Variants in SNTG1 observed in about 807,000 individuals in gnomAD.
SNTG1 encodes the protein syntrophin gamma 1.
A neutral mutation model predicts 74.7 loss-of-function variants in SNTG1; 39 were observed. That is an observed-to-expected ratio of 0.52 (90% CI 0.40 to 0.68). The LOEUF (loss-of-function observed/expected upper bound fraction) is 0.68, where lower values mean the gene tolerates loss of function less well. Ranked by LOEUF, SNTG1 falls within the 30% of genes least tolerant of loss-of-function variation. The pLI is 0.00. For missense variants in SNTG1, 685 were observed against 609.5 expected (o/e 1.12, Z -1.30); for synonymous variants, 254 against 217.1 (o/e 1.17, Z -1.49).
At chr8:50,207,484 T>A (rs1165626018) in intron 2 of SNTG1, among the ~76,000 whole-genome samples, 13 of 152,044 alleles carry the variant, frequency 8.6e-5, no homozygotes, top group Non-Finnish European at 1.6e-4. Flanking sequence ...TGCTAGTGGT[T>A]TATCGATGTT....
intron 2 of SNTG1, among the ~76,000 whole-genome samples, chr8:50,267,212 G>A (rs2087527721): frequency 1.3e-5 from 2 of 151,836 alleles, no homozygotes; most frequent in African/African-American, 2.4e-5. Flanking sequence ...TTTTTTTAGG[G>A]TTAACCTAAA....
intron 13 of SNTG1, among the ~76,000 whole-genome samples, chr8:50,648,758 C>T (rs1172708916): frequency 1.3e-5 from 2 of 151,988 alleles, no homozygotes; most frequent in Admixed American, 1.3e-4. Context: ...AAAATCAAAC[C>T]TCCATAAACA....
chr8:50,651,354 A>G (rs2095144552), intron 13 of SNTG1, among the ~76,000 whole-genome samples: 1 of 152,118 alleles, frequency 6.6e-6, no homozygotes, highest in Admixed American at 6.6e-5. Context: ...AAAAATGCAT[A>G]TATATAAGAT....
intron 4 of SNTG1, among the ~76,000 whole-genome samples, chr8:50,411,062 A>C (rs1305091065): frequency 6.6e-6 from 1 of 152,148 alleles, no homozygotes; most frequent in Non-Finnish European, 1.5e-5. Flanking sequence ...TTGTATGTTT[A>C]TAAACTTTTC....
intron 1 of SNTG1, among the ~76,000 whole-genome samples, chr8:50,003,280 T>C (rs2130473075): frequency 6.6e-6 from 1 of 152,310 alleles, no homozygotes; most frequent in East Asian, 1.9e-4. Context: ...AAAAATATAA[T>C]GGCATTTTAT....
At chr8:50,000,182 T>A (rs1814613845) in intron 1 of SNTG1, among the ~76,000 whole-genome samples, 2 of 152,192 alleles carry the variant, frequency 1.3e-5, no homozygotes, top group Admixed American at 1.3e-4. Flanking sequence ...TATGATCTGC[T>A]TCTGTTTTTC....
At chr8:50,378,429 G>C (rs905743545) in intron 2 of SNTG1, among the ~76,000 whole-genome samples, 2 of 152,174 alleles carry the variant, frequency 1.3e-5, no homozygotes, top group Non-Finnish European at 1.5e-5. Flanking sequence ...TGATGAGCAA[G>C]GGGCATGTTT....
In SNTG1 at chr8:50,610,064, A is replaced by G. The variant is rs2094839640; in HGVS notation, c.849+19147A>G. ...GATACTCTTTCGTTGAAAATTGGAC[A>G]TTTTAGATAATAAACGTTACCAATT... On this transcript the variant is annotated intron_variant, in intron 13 of 18. Transcript: ENST00000642720. Among the ~76,000 whole-genome samples the G allele has an allele frequency of 3.3e-5, 5 of 152,252 alleles. 1 individual carries two copies. In the South Asian group the frequency reaches 1.0e-3, roughly 32 times the overall value.
chr8:50,684,501 T>C (rs1344825441), intron 15 of SNTG1, among the ~76,000 whole-genome samples: 1 of 152,124 alleles, frequency 6.6e-6, no homozygotes, highest in East Asian at 1.9e-4. Context: ...TCAATAATAA[T>C]GTCTTAGGGA....
chr8:49,981,778 T>C (rs868570133), intron 1 of SNTG1, among the ~76,000 whole-genome samples: 38 of 152,322 alleles, frequency 2.5e-4, no homozygotes, highest in South Asian at 6.2e-4. Flanking sequence ...ATAAAATATT[T>C]TGCTTTCAAT....
At chr8:50,469,314 T>C (rs1407961975) in intron 8 of SNTG1, among the ~76,000 whole-genome samples, 2 of 151,990 alleles carry the variant, frequency 1.3e-5, no homozygotes, top group African/African-American at 2.4e-5. Context: ...TTTTCTCCTC[T>C]TGTTTTCTTG....
chr8:49,926,569 A>G (rs1203005540), intron 1 of SNTG1, among the ~76,000 whole-genome samples: 2 of 152,126 alleles, frequency 1.3e-5, no homozygotes, highest in African/African-American at 4.8e-5. Flanking sequence ...ATAGACCTTA[A>G]CAGTATTGAC....
At chr8:50,209,657 G>T (rs1480166821) in intron 2 of SNTG1, among the ~76,000 whole-genome samples, 1 of 152,228 alleles carries the variant, frequency 6.6e-6, no homozygotes. Context: ...GCAGCTGAGG[G>T]TCCTGACTGT....
chr8:49,945,058 G>C (rs1265344649), intron 1 of SNTG1, among the ~76,000 whole-genome samples: 2 of 152,042 alleles, frequency 1.3e-5, no homozygotes, highest in South Asian at 4.1e-4. Context: ...AATGTATTTG[G>C]TATTGTTTTC....
Position 50,402,217 on chromosome 8 carries a change from C to G in SNTG1, c.35C>G (p.Thr12Arg). The part of the protein sequence containing the change: ...DFRTACEETK[T>R]GICLLQDGNQ... ...TTTTTTTTTAATCTGAAGACAAAGA[C>G]AGGAATTTGTTTGCTGCAGGATGGT... The change falls in exon 4 of 19, where the codon ACA (threonine) becomes AGA (arginine). Residue 12 changes from threonine (T) to arginine (R), a missense_variant. Physicochemically the swap from Thr to Arg is moderately conservative, Grantham distance 71. Coordinates refer to ENST00000642720, the MANE Select transcript of SNTG1 (RefSeq NM_018967.5). 1 of 1,588,908 alleles carries G rather than the reference C, an allele frequency of 6.3e-7. No homozygotes were observed. The highest frequency in any genetic ancestry group is 1.2e-5 in the South Asian group (1 of 85,648).
intron 2 of SNTG1, among the ~76,000 whole-genome samples, chr8:50,324,902 C>G (rs1024083148): frequency 6.8e-6 from 1 of 146,230 alleles, no homozygotes; most frequent in African/African-American, 2.5e-5. Flanking sequence ...GGTGTATGAT[C>G]CCTTTTGCAT....
intron 1 of SNTG1, among the ~76,000 whole-genome samples, chr8:50,076,610 C>T (rs1363045199): frequency 9.8e-6 from 1 of 102,204 alleles, no homozygotes; most frequent in African/African-American, 2.6e-5. Flanking sequence ...TATGAAAATT[C>T]TCAGGTGTCT....
intron 4 of SNTG1, 81 bp from the exon 5 acceptor site, chr8:50,438,462 A>G (rs76975637): frequency 0.075 from 94,973 of 1,270,994 alleles, 4,115 homozygotes; most frequent in Middle Eastern, 0.15. Context: ...AACCCAGAAG[A>G]AAACCAAAAA....
At chr8:50,216,512 G>A (rs570942384) in intron 2 of SNTG1, among the ~76,000 whole-genome samples, 106 of 152,224 alleles carry the variant, frequency 7.0e-4, no homozygotes, top group Non-Finnish European at 1.3e-3. Context: ...AACAGACTTA[G>A]GGGATGAAAG....
Sources: allele counts gnomAD v4.1 joint callset (sites outside exome capture counted in the v4.1 genomes callset), GRCh38; gene constraint gnomAD v4.1.1; transcripts MANE v1.5; gene names NCBI Gene and HGNC (gene_info 2026-07-23, HGNC 2026-07-21).